MALRD1: variants seen among roughly 807,000 people sequenced by gnomAD.
The protein encoded by MALRD1 is MAM and LDL receptor class A domain containing 1.
Under a neutral mutation model 242.1 loss-of-function variants are expected in MALRD1, and 247 were observed. That is an observed-to-expected ratio of 1.02 (90% CI 0.92 to 1.13). The LOEUF (loss-of-function observed/expected upper bound fraction) is 1.13, where lower values mean the gene tolerates loss of function less well. MALRD1 is among the 50% of genes most tolerant of loss of function. MALRD1 has a pLI of 0.00. For missense variants in MALRD1, 2,989 were observed against 2,533.1 expected, an observed-to-expected ratio of 1.18 and a Z score of -3.86; for synonymous variants, 995 against 866.6, an observed-to-expected ratio of 1.15 and a Z score of -2.60.
intron 33 of MALRD1, among the ~76,000 whole-genome samples, chr10:19,569,720 C>T (rs1057280238): frequency 4.8e-5 from 7 of 146,138 alleles, no homozygotes; most frequent in Non-Finnish European, 1.0e-4. Flanking sequence ...ATATTAGTAA[C>T]TTATATATTA....
At chr10:19,511,258 T>C (rs527361567) in intron 31 of MALRD1, among the ~76,000 whole-genome samples, 4 of 152,268 alleles carry the variant, frequency 2.6e-5, no homozygotes, top group African/African-American at 9.6e-5. Context: ...GCCGTTAAAA[T>C]GCCTAACCCA....
At chr10:19,674,323 C>T (rs369121801) in intron 36 of MALRD1, among the ~76,000 whole-genome samples, 22 of 152,124 alleles carry the variant, frequency 1.4e-4, no homozygotes, top group East Asian at 9.6e-4. Context: ...AATGATTACT[C>T]GGTAGCCAAC....
intron 31 of MALRD1, among the ~76,000 whole-genome samples, chr10:19,504,604 C>G (rs75963886): frequency 0.01 from 1,569 of 151,574 alleles, 15 homozygotes; most frequent in Non-Finnish European, 0.016. Context: ...CTTGCACACA[C>G]ACTCATACAC....
At chr10:19,501,329 C>T (rs1837958266) in intron 31 of MALRD1, among the ~76,000 whole-genome samples, 1 of 152,168 alleles carries the variant, frequency 6.6e-6, no homozygotes, top group South Asian at 2.1e-4. Context: ...GTCGGAAGCA[C>T]TCCTCTTTCT....
chr10:19,161,261 C>A (rs1208302084), intron 12 of MALRD1, among the ~76,000 whole-genome samples: 1 of 116,000 alleles, frequency 8.6e-6, no homozygotes, highest in African/African-American at 3.1e-5. Context: ...GAACAAAAAA[C>A]CAAACACCAC....
At chr10:19,453,245 C>A (rs1162617137) in intron 29 of MALRD1, among the ~76,000 whole-genome samples, 2 of 152,136 alleles carry the variant, frequency 1.3e-5, no homozygotes, top group Non-Finnish European at 2.9e-5. Context: ...ATTTCTGTCA[C>A]ATTTTACTGA....
intron 38 of MALRD1, among the ~76,000 whole-genome samples, chr10:19,721,122 A>G (rs905198405): frequency 1.3e-5 from 2 of 152,304 alleles, no homozygotes; most frequent in South Asian, 4.1e-4. Context: ...CATTTCTAAA[A>G]AGATCTCTTC....
intron 13 of MALRD1, among the ~76,000 whole-genome samples, chr10:19,170,340 A>G (rs1320384370): frequency 6.6e-6 from 1 of 152,102 alleles, no homozygotes; most frequent in Non-Finnish European, 1.5e-5. Flanking sequence ...TCAAGGTGGC[A>G]CTTTTTCTGA....
rs537662311 is a variant in MALRD1 at position 19,121,142 on chromosome 10, C to T, written c.695-2350C>T. Among the ~76,000 whole-genome samples the T allele has an allele frequency of 9.0e-5, 13 of 145,050 alleles. No homozygotes were observed. The East Asian group carries it at 2.7e-3, about 30-fold the overall frequency. On this transcript the variant is annotated intron_variant, in intron 5 of 39. Transcript: ENST00000454679. ...CACTGCAACCTCCGCCTCCTGGGTT[C>T]AAGCAATTCTCCTGCCTCAGATTTC...
chr10:19,080,643 A>G (rs917177292), intron 2 of MALRD1, among the ~76,000 whole-genome samples: 1 of 151,934 alleles, frequency 6.6e-6, no homozygotes, highest in Non-Finnish European at 1.5e-5. Context: ...ACTTACATGT[A>G]AAACCTAAAA....
At chr10:19,117,580 TAC>T (rs559842294) in intron 5 of MALRD1, among the ~76,000 whole-genome samples, 56 of 152,322 alleles carry the variant, frequency 3.7e-4, no homozygotes, top group African/African-American at 1.3e-3. Context: ...CTACAAAAAT[TAC>T]AGTTTTAATT....
intron 36 of MALRD1, among the ~76,000 whole-genome samples, chr10:19,656,961 C>T (rs1454766154): frequency 1.3e-5 from 2 of 152,168 alleles, no homozygotes. Flanking sequence ...GATCTAAGAG[C>T]ATAGTTGCTA....
chr10:19,531,418 C>A, intron 32 of MALRD1, 67 bp downstream of exon 32: 1 of 1,381,484 alleles, frequency 7.2e-7, no homozygotes, highest in Non-Finnish European at 9.7e-7. Flanking sequence ...ATTGTCTTCC[C>A]TTGTCTTATT....
intron 14 of MALRD1, among the ~76,000 whole-genome samples, chr10:19,187,987 A>G (rs933349987): frequency 1.3e-5 from 2 of 152,190 alleles, no homozygotes; most frequent in African/African-American, 4.8e-5. Context: ...GGCAGGGCTA[A>G]TTAAATCACA....
At chr10:19,631,382 TCCAGTCTG>T (rs1839895804) in intron 36 of MALRD1, among the ~76,000 whole-genome samples, 1 of 152,330 alleles carries the variant, frequency 6.6e-6, no homozygotes, top group Admixed American at 6.5e-5. Context: ...ATTTCTTTTG[TCCAGTCTG>T]CCATTGATTG....
At chr10:19,530,634 GA>G (rs529946202) in intron 31 of MALRD1, among the ~76,000 whole-genome samples, 3 of 150,834 alleles carry the variant, frequency 2.0e-5, no homozygotes, top group African/African-American at 7.3e-5. Flanking sequence ...AATGGCAACA[GA>G]AAAAAATCCA....
At position 19,203,870 on chromosome 10, in the gene MALRD1, C is replaced by G. The variant is rs771109264; in HGVS notation, c.2094C>G (p.Asn698Lys). The G allele has an allele frequency of 3.0e-5, 46 of 1,550,304 alleles. No individual in the cohort carries two copies. The East Asian group carries it at 1.1e-3, about 36-fold the overall frequency. Residue 698 changes from asparagine to lysine, a missense_variant, in exon 15 of 40, where the codon AAC becomes AAG. By Grantham distance (94) the Asn-to-Lys change is moderately conservative. Coordinates refer to ENST00000454679, the MANE Select transcript of MALRD1 (RefSeq NM_001142308.3). Reference protein sequence around the residue: ...HQAPPRDHSLNASQGHFMFIL... With the variant: ...HQAPPRDHSLKASQGHFMFIL... ...CTCCACCTCGGGATCATAGTCTCAA[C>G]GCATCTCAAGGTAAGAAGCAAACAG...
intron 29 of MALRD1, among the ~76,000 whole-genome samples, chr10:19,469,246 G>C (rs1836375557): frequency 6.6e-6 from 1 of 152,030 alleles, no homozygotes; most frequent in Admixed American, 6.5e-5. Flanking sequence ...TCCACACAAA[G>C]TAAGCATATT....
chr10:19,622,656 A>AG (rs1839456344), intron 36 of MALRD1, among the ~76,000 whole-genome samples: 1 of 149,574 alleles, frequency 6.7e-6, no homozygotes, highest in African/African-American at 2.5e-5. Context: ...TGAAAAAAAA[A>AG]AAAACAAACT....
Sources: gnomAD v4.1 joint callset for allele counts (sites outside exome capture counted in the v4.1 genomes callset) on GRCh38, gnomAD v4.1.1 for gene constraint, MANE v1.5 for transcripts, NCBI Gene and HGNC (gene_info 2026-07-23, HGNC 2026-07-21) for gene names.